The following UNC13C variants were observed in gnomAD, a reference collection of about 807,000 sequenced individuals.
UNC13C encodes unc-13 homolog C, also known as protein unc-13 homolog C.
In UNC13C, 174 loss-of-function variants were observed where a neutral mutation model predicts 245.4. The observed-to-expected ratio is 0.71, with a 90% CI of 0.63 to 0.80. The LOEUF (loss-of-function observed/expected upper bound fraction) is 0.80. UNC13C is among the 30% of genes least tolerant of loss of function. The probability of loss-of-function intolerance (pLI) is 0.00; values close to 1 mark genes in which losing one functional copy is unlikely to be tolerated. For missense variants in UNC13C, 2,829 were observed against 2,602.9 expected (o/e 1.09, Z -1.89); for synonymous variants, 992 against 895.1 (o/e 1.11, Z -1.93).
chr15:54,027,181 AG>A (rs1896146921), intron 2 of UNC13C, among the ~76,000 whole-genome samples: 1 of 112,076 alleles, frequency 8.9e-6, no homozygotes, highest in Non-Finnish European at 2.2e-5. Flanking sequence ...AGAAAAAAAA[AG>A]AAAAAAAAAA....
chr15:54,178,564 T>C (rs1226849638), intron 4 of UNC13C, among the ~76,000 whole-genome samples: 1 of 152,144 alleles, frequency 6.6e-6, no homozygotes, highest in Non-Finnish European at 1.5e-5. Context: ...AATAAACAAA[T>C]TCCAAGAGGG....
chr15:53,985,233 T>C (rs978603826), intron 1 of UNC13C, among the ~76,000 whole-genome samples: 3 of 152,064 alleles, frequency 2.0e-5, no homozygotes, highest in Non-Finnish European at 4.4e-5. Flanking sequence ...TTGCTGAGAA[T>C]GATGGTTTCC....
At chr15:54,561,221 T>G (rs1413039034) in intron 29 of UNC13C, among the ~76,000 whole-genome samples, 1 of 152,034 alleles carries the variant, frequency 6.6e-6, no homozygotes, top group Non-Finnish European at 1.5e-5. Flanking sequence ...GAAGCAGTGC[T>G]GTTCATTCTC....
At chr15:54,071,200 A>C (rs1366099771) in intron 2 of UNC13C, among the ~76,000 whole-genome samples, 1 of 152,120 alleles carries the variant, frequency 6.6e-6, no homozygotes, top group South Asian at 2.1e-4. Flanking sequence ...TTTTAAAAAA[A>C]ATTTGTAAAC....
intron 4 of UNC13C, among the ~76,000 whole-genome samples, chr15:54,187,678 A>T (rs962727011): frequency 1.3e-5 from 2 of 152,112 alleles, no homozygotes; most frequent in South Asian, 2.1e-4. Flanking sequence ...TTCTATAAAA[A>T]TTTCTTCTGG....
chr15:54,057,517 C>T (rs1040541333), intron 2 of UNC13C, among the ~76,000 whole-genome samples: 28 of 151,822 alleles, frequency 1.8e-4, no homozygotes, highest in Non-Finnish European at 4.0e-4. Flanking sequence ...TAATGGGAGA[C>T]TTTAACACCC....
chr15:54,411,208 G>A (rs1346543252), intron 18 of UNC13C, among the ~76,000 whole-genome samples: 2 of 151,980 alleles, frequency 1.3e-5, no homozygotes, highest in Admixed American at 6.6e-5. Flanking sequence ...CTCTATTATT[G>A]AGATTTTAGT....
the UNC13C span, among the ~76,000 whole-genome samples, chr15:53,960,858 A>G: frequency 6.6e-6 from 1 of 152,222 alleles, no homozygotes; most frequent in African/African-American, 2.4e-5. Flanking sequence ...GTCCCCCACC[A>G]CATAGCTTTC....
chr15:53,979,453 A>G (rs1262434856), intron 1 of UNC13C, among the ~76,000 whole-genome samples: 2 of 129,372 alleles, frequency 1.5e-5, no homozygotes, highest in Non-Finnish European at 3.5e-5. Flanking sequence ...AAGATCCTGC[A>G]GATTTACTTT....
intron 30 of UNC13C, among the ~76,000 whole-genome samples, chr15:54,583,999 G>A (rs1044272012): frequency 1.3e-5 from 2 of 152,076 alleles, no homozygotes; most frequent in Admixed American, 6.5e-5. Context: ...ACTTCCCCTC[G>A]GGCTCCTGCC....
At chr15:53,838,677 T>G in the UNC13C span, among the ~76,000 whole-genome samples, 2 of 152,040 alleles carry the variant, frequency 1.3e-5, no homozygotes, top group Non-Finnish European at 2.9e-5. Flanking sequence ...TTAGGATATA[T>G]GCACTATTTT....
intron 2 of UNC13C, among the ~76,000 whole-genome samples, chr15:54,121,587 G>T (rs35739485): frequency 0.08 from 12,100 of 151,914 alleles, 581 homozygotes; most frequent in Non-Finnish European, 0.11. Context: ...AATTATCACA[G>T]CTTTTTAATT....
intron 8 of UNC13C, 91 bp from the exon 9 acceptor site, chr15:54,264,077 A>G: frequency 7.6e-7 from 1 of 1,309,068 alleles, no homozygotes; most frequent in Non-Finnish European, 1.1e-6. Context: ...GCACTCATTC[A>G]TTCTCACTTC....
chr15:53,938,839 T>A, the UNC13C span, among the ~76,000 whole-genome samples: 1 of 152,164 alleles, frequency 6.6e-6, no homozygotes, highest in Non-Finnish European at 1.5e-5. Context: ...ATCTCTGGTA[T>A]ACAACTAAAG....
At chr15:54,111,358 C>T (rs1401797828) in intron 2 of UNC13C, among the ~76,000 whole-genome samples, 2 of 152,160 alleles carry the variant, frequency 1.3e-5, no homozygotes, top group Non-Finnish European at 2.9e-5. Flanking sequence ...AAAGTTAATG[C>T]CAAAACTCAA....
chr15:54,569,163 C>A (rs887904456), intron 30 of UNC13C, among the ~76,000 whole-genome samples: 30 of 149,870 alleles, frequency 2.0e-4, no homozygotes, highest in Non-Finnish European at 3.4e-4. Context: ...GTATATAAAA[C>A]TTTTGCTTCA....
At chr15:54,280,085 C>G (rs1048584160) in intron 10 of UNC13C, among the ~76,000 whole-genome samples, 4 of 152,026 alleles carry the variant, frequency 2.6e-5, no homozygotes, top group Non-Finnish European at 5.9e-5. Flanking sequence ...TTAAATCTAG[C>G]AAAGCTACTT....
chr15:54,455,931 T>G (rs547768454), intron 19 of UNC13C, among the ~76,000 whole-genome samples: 4 of 152,344 alleles, frequency 2.6e-5, no homozygotes, highest in Non-Finnish European at 5.9e-5. Context: ...TTCTTGGTCA[T>G]GAACTCTTTG....
At chr15:54,112,973 G>A (rs2029923595) in intron 2 of UNC13C, among the ~76,000 whole-genome samples, 1 of 152,222 alleles carries the variant, frequency 6.6e-6, no homozygotes. Flanking sequence ...ACCAGAGTAT[G>A]AAGCAACAGG....
Sources: gnomAD v4.1 joint callset for allele counts (sites outside exome capture counted in the v4.1 genomes callset) on GRCh38, gnomAD v4.1.1 for gene constraint, MANE v1.5 for transcripts, NCBI Gene and HGNC (gene_info 2026-07-23, HGNC 2026-07-21) for gene names.